The following SCN1A variants were observed in gnomAD, a reference collection of about 807,000 sequenced individuals.
SCN1A encodes the protein sodium channel protein type 1 subunit alpha.
In SCN1A, 13 loss-of-function variants were observed where a neutral mutation model predicts 193.7. The ratio of observed to expected loss-of-function variants is 0.07; its 90% CI spans 0.04 to 0.11. SCN1A has a LOEUF of 0.11. Among genes scored for constraint, SCN1A ranks in the 10% least tolerant of loss-of-function variants. The probability of loss-of-function intolerance (pLI) is 1.00; values close to 1 mark genes in which losing one functional copy is unlikely to be tolerated. For synonymous variants in SCN1A, 781 were observed against 843.6 expected (o/e 0.93, Z 1.29); for missense variants, 1,432 against 2,451.1 (o/e 0.58, Z 8.78).
intron 2 of SCN1A, among the ~76,000 whole-genome samples, chr2:166,105,781 G>A (rs930712476): frequency 4.6e-5 from 7 of 152,236 alleles, no homozygotes; most frequent in African/African-American, 1.4e-4. Context: ...CCTTTTCAGG[G>A]ATAGCATCAA....
chr2:166,065,902 G>A lies in SCN1A; in HGVS notation c.265-7214C>T, dbSNP rs1244945053. Among the ~76,000 whole-genome samples the A allele has an allele frequency of 2.0e-5, 3 of 152,118 alleles. No homozygotes were observed. In the East Asian group the frequency reaches 5.8e-4, roughly 29 times the overall value. On this transcript the variant is annotated intron_variant, in intron 4 of 28. Transcript: ENST00000674923. The stretch of plus-strand genomic sequence containing the variant: ...GTGAAAGATTTTCTGATTTATAAAT[G>A]CCAGAAAATAATTCAAAATTATAAA...
chr2:166,124,439 G>C (rs580243), intron 2 of SCN1A, among the ~76,000 whole-genome samples: 141,187 of 151,928 alleles, frequency 0.93, 65,907 homozygotes, highest in East Asian at 0.98. Flanking sequence ...CCCAGCTACT[G>C]GGGAGGCTGA....
intron 19 of SCN1A, among the ~76,000 whole-genome samples, chr2:166,023,073 G>A (rs553595832): frequency 1.7e-3 from 257 of 152,190 alleles, no homozygotes; most frequent in Non-Finnish European, 3.1e-3. Flanking sequence ...ATTCAACATG[G>A]TGCCTCTATG....
chr2:166,030,482 T>C (rs1042478964), intron 19 of SCN1A, among the ~76,000 whole-genome samples: 4 of 152,178 alleles, frequency 2.6e-5, no homozygotes, highest in African/African-American at 9.6e-5. Context: ...TTATAATTAC[T>C]TTAGTAATGT....
chr2:166,119,315 T>C (rs1318900862), intron 2 of SCN1A, among the ~76,000 whole-genome samples: 2 of 152,176 alleles, frequency 1.3e-5, no homozygotes, highest in African/African-American at 4.8e-5. Flanking sequence ...TCCCTAATAA[T>C]TACCCTTCTT....
chr2:166,124,445 G>T (rs1691002899), intron 2 of SCN1A, among the ~76,000 whole-genome samples: 1 of 152,008 alleles, frequency 6.6e-6, no homozygotes, highest in Non-Finnish European at 1.5e-5. Flanking sequence ...TACTGGGGAG[G>T]CTGAGGCAGG....
At chr2:166,078,521 A>G (rs1412715594) in intron 2 of SCN1A, among the ~76,000 whole-genome samples, 1 of 151,554 alleles carries the variant, frequency 6.6e-6, no homozygotes, top group Non-Finnish European at 1.5e-5. Flanking sequence ...TTTTGGCTTA[A>G]TTTTGCTGTG....
intron 4 of SCN1A, among the ~76,000 whole-genome samples, chr2:166,072,741 GA>G (rs1684557673): frequency 1.3e-5 from 2 of 150,952 alleles, no homozygotes; most frequent in Non-Finnish European, 2.9e-5. Context: ...ATAGTAAATC[GA>G]ATCTGTGGAG....
At chr2:166,049,160 A>C (rs1698237386) in intron 9 of SCN1A, among the ~76,000 whole-genome samples, 1 of 87,616 alleles carries the variant, frequency 1.1e-5, no homozygotes, top group Admixed American at 1.1e-4. Context: ...ATTATGAAGA[A>C]ATGACATTAG....
At chr2:166,008,224 C>T (rs1691919110) in intron 23 of SCN1A, among the ~76,000 whole-genome samples, 1 of 151,062 alleles carries the variant, frequency 6.6e-6, no homozygotes. Flanking sequence ...CCGATAAGAT[C>T]AGCTTTTTTA....
intron 2 of SCN1A, among the ~76,000 whole-genome samples, chr2:166,097,065 G>A (rs1316231263): frequency 2.0e-5 from 3 of 151,770 alleles, no homozygotes; most frequent in Admixed American, 1.3e-4. Context: ...TCTGTTGCCC[G>A]GGCTGTAGTG....
rs1029455033 is a variant in SCN1A, at chr2:165,988,895, A to C, written c.*2350T>G. On this transcript the variant is annotated 3_prime_UTR_variant, in exon 29 of 29. Transcript: ENST00000674923. ...CCATACTTCTCTTCCTCCTAGAATC[A>C]CTAGCTATCCTCTGACACCAGTTCT... The C allele has an allele frequency of 6.6e-6, 1 of 152,232 alleles. No individual in the cohort carries two copies. Among genetic ancestry groups the C allele is most frequent in the African/African-American group, 2.4e-5 (1 of 41,388 alleles). 9.4% of individuals were successfully genotyped at this position (152,232 alleles called of 1,614,324 possible).
At chr2:166,058,767 A>T (rs781315801) in intron 4 of SCN1A, 79 bp from the exon 5 acceptor site, 15 of 834,670 alleles carry the variant, frequency 1.8e-5, no homozygotes, top group Non-Finnish European at 3.1e-5. Context: ...GTTACTTGTC[A>T]TAATAAATTA....
At chr2:166,023,883 C>G (rs537768369) in intron 19 of SCN1A, among the ~76,000 whole-genome samples, 38 of 151,880 alleles carry the variant, frequency 2.5e-4, no homozygotes, top group Non-Finnish European at 5.2e-4. Context: ...TCAAGCGATT[C>G]CCCTGCCTCA....
At chr2:166,072,376 A>C (rs1684519597) in intron 4 of SCN1A, among the ~76,000 whole-genome samples, 1 of 152,220 alleles carries the variant, frequency 6.6e-6, no homozygotes, top group African/African-American at 2.4e-5. Context: ...TTGGATGCTT[A>C]ACATAAGATT....
At chr2:166,068,288 A>G (rs1421823663) in intron 4 of SCN1A, among the ~76,000 whole-genome samples, 1 of 152,222 alleles carries the variant, frequency 6.6e-6, no homozygotes, top group African/African-American at 2.4e-5. Context: ...ATACTCTAAA[A>G]ATGCCAAGCA....
At chr2:166,106,214 A>AGAT (rs1443828999) in intron 2 of SCN1A, among the ~76,000 whole-genome samples, 1 of 152,218 alleles carries the variant, frequency 6.6e-6, no homozygotes, top group Admixed American at 6.5e-5. Flanking sequence ...AAACAAAAAA[A>AGAT]GATACAGAAA....
chr2:166,129,375 C>T (rs2106283630), upstream of SCN1A, among the ~76,000 whole-genome samples: 1 of 152,238 alleles, frequency 6.6e-6, no homozygotes, highest in South Asian at 2.1e-4. Flanking sequence ...TTTACTAGCC[C>T]TTAATTATGG....
chr2:166,090,062 T>C (rs1239684075), intron 2 of SCN1A, among the ~76,000 whole-genome samples: 2 of 132,538 alleles, frequency 1.5e-5, no homozygotes, highest in East Asian at 2.3e-4. Context: ...TTTTTTGATA[T>C]AGGGTATTGC....
Sources: gnomAD v4.1 joint callset for allele counts (sites outside exome capture counted in the v4.1 genomes callset) on GRCh38, gnomAD v4.1.1 for gene constraint, MANE v1.5 for transcripts, NCBI Gene and HGNC (gene_info 2026-07-23, HGNC 2026-07-21) for gene names.